The following MTREX variants were observed in gnomAD, a reference collection of about 807,000 sequenced individuals.
The protein encoded by MTREX is Mtr4 exosome RNA helicase, also known as exosome RNA helicase MTR4.
In MTREX, 76 loss-of-function variants were observed where a neutral mutation model predicts 135.4. The observed-to-expected ratio is 0.56, with a 90% CI of 0.47 to 0.68. MTREX has a LOEUF of 0.68. MTREX is among the 30% of genes least tolerant of loss of function. The pLI, the probability that MTREX is intolerant of heterozygous loss-of-function variation, is 0.00. For synonymous variants in MTREX, 404 were observed against 401.6 expected (o/e 1.01, Z -0.07); for missense variants, 920 against 1,262.1 (o/e 0.73, Z 4.11).
intron 5 of MTREX, among the ~76,000 whole-genome samples, chr5:55,329,953 C>A (rs957531392): frequency 1.3e-5 from 2 of 151,916 alleles, no homozygotes; most frequent in Admixed American, 1.3e-4. Flanking sequence ...CTCACTGATA[C>A]TATATTCATT....
chr5:55,392,899 T>A (rs538028677), intron 19 of MTREX, among the ~76,000 whole-genome samples: 1 of 152,212 alleles, frequency 6.6e-6, no homozygotes, highest in Non-Finnish European at 1.5e-5. Flanking sequence ...AGTTGCTTCT[T>A]ACTATTTTTG....
rs1749750587 is a variant in MTREX at position 55,347,048 on chromosome 5, A to G, written c.1144A>G (p.Met382Val). ...TGTTTTCAAAATTGTGAAGATGATT[A>G]TGGAAAGAAATTTCCAACCTGTGAT... ...SNVFKIVKMIMERNFQPVIIF... is the reference protein window; with the variant it reads ...SNVFKIVKMIVERNFQPVIIF... The change falls in exon 11 of 27, where the codon ATG becomes GTG. Residue 382 changes from methionine to valine, a missense_variant. This residue lies in a region of MTREX where 101 missense variants were observed against 119.1 expected (regional missense o/e 0.85). Transcript: ENST00000230640. The G allele has an allele frequency of 6.2e-7, 1 of 1,610,692 alleles. No individual in the cohort carries two copies.
At chr5:55,415,241 C>T (rs1353489852) in intron 24 of MTREX, among the ~76,000 whole-genome samples, 1 of 151,888 alleles carries the variant, frequency 6.6e-6, no homozygotes, top group Non-Finnish European at 1.5e-5. Context: ...AAAAAAAAAC[C>T]TGTGGCATAT....
rs199920261 is a variant in MTREX, at chr5:55,404,808, T to TC, written c.2482-617_2482-616insC. Among the ~76,000 whole-genome samples the TC allele has an allele frequency of 3.0e-4, 45 of 149,214 alleles. No individual in the cohort carries two copies. In the East Asian group the frequency reaches 4.7e-3, roughly 16 times the overall value. ...CTGTGCTCTGTTCTCTTTTTTTTTTTTCTTTTTTTTTTTTAAGACGGAATC... is the reference window on the plus strand; with the variant it reads ...CTGTGCTCTGTTCTCTTTTTTTTTTTCTCTTTTTTTTTTTTAAGACGGAATC... On this transcript the variant is annotated intron_variant, in intron 21 of 26. Coordinates refer to ENST00000230640, the MANE Select transcript of MTREX (RefSeq NM_015360.5).
intron 18 of MTREX, among the ~76,000 whole-genome samples, chr5:55,387,768 T>C (rs1230428934): frequency 6.6e-6 from 1 of 152,156 alleles, no homozygotes. Flanking sequence ...AATTTATAAA[T>C]ATAAAGTTAT....
intron 15 of MTREX, among the ~76,000 whole-genome samples, chr5:55,364,447 C>T (rs1476629427): frequency 6.6e-6 from 1 of 152,114 alleles, no homozygotes; most frequent in East Asian, 1.9e-4. Flanking sequence ...CATTCTATTT[C>T]GTTGGGGGAA....
intron 19 of MTREX, among the ~76,000 whole-genome samples, chr5:55,394,970 T>C (rs559182765): frequency 1.3e-5 from 2 of 150,972 alleles, no homozygotes; most frequent in Admixed American, 6.6e-5. Flanking sequence ...GAGGCGGAGA[T>C]TGCAGTGAAC....
chr5:55,311,758 C>A (rs973054484), intron 1 of MTREX, among the ~76,000 whole-genome samples: 2 of 152,112 alleles, frequency 1.3e-5, no homozygotes, highest in African/African-American at 4.8e-5. Context: ...TGTAAAATAT[C>A]TCCTTAATTT....
chr5:55,403,043 T>A (rs983019685), intron 21 of MTREX, among the ~76,000 whole-genome samples: 3 of 151,568 alleles, frequency 2.0e-5, no homozygotes, highest in African/African-American at 7.3e-5. Context: ...TGCAAAAAAA[T>A]TTTAAAAATT....
In MTREX at chr5:55,424,981, C is replaced by A; in HGVS notation, c.*209C>A. 1 of 660,806 alleles carries A rather than the reference C, an allele frequency of 1.5e-6. No individual in the cohort carries two copies. The highest frequency in any genetic ancestry group is 2.5e-6 in the Non-Finnish European group (1 of 399,736). The allele number at this position is 660,806 out of a possible 1,614,324, so 40.9% of individuals were successfully genotyped here. A position where few individuals can be genotyped will look rare whatever the true frequency, so the allele number is the denominator to read the frequency against. On this transcript the variant is annotated 3_prime_UTR_variant, in exon 27 of 27. Transcript: ENST00000230640. Reference sequence around the variant, plus strand: ...AATAAAAATGTATACAGGTGGGGCACTGTTTTGGTGGAAGGCTTGGAGTTT... The same window carrying A: ...AATAAAAATGTATACAGGTGGGGCAATGTTTTGGTGGAAGGCTTGGAGTTT...
chr5:55,378,367 A>G lies in MTREX; in HGVS notation c.1864A>G (p.Ser622Gly). 1 of 1,609,670 alleles carries G rather than the reference A, an allele frequency of 6.2e-7. No individual in the cohort carries two copies. Among genetic ancestry groups the G allele is most frequent in the Non-Finnish European group, 8.5e-7 (1 of 1,178,822 alleles). ...TAAAATAGTAATTCCCAATGAAGAA[A>G]GTGTGGTTATCTATTATAAGATTAG... Reference protein sequence around the residue: ...YNKIVIPNEESVVIYYKIRQQ... With the variant: ...YNKIVIPNEEGVVIYYKIRQQ... The change falls in exon 17 of 27, where the codon AGT becomes GGT. Residue 622 changes from serine (S) to glycine (G), a missense_variant. Physicochemically the swap from Ser to Gly is moderately conservative, Grantham distance 56. Transcript: ENST00000230640.
intron 19 of MTREX, among the ~76,000 whole-genome samples, chr5:55,392,673 A>G (rs1374223732): frequency 6.6e-6 from 1 of 151,986 alleles, no homozygotes; most frequent in Non-Finnish European, 1.5e-5. Flanking sequence ...GTACAGTTTC[A>G]TGGTCAGACA....
At chr5:55,408,803 A>G (rs537595212) in intron 22 of MTREX, among the ~76,000 whole-genome samples, 1 of 152,320 alleles carries the variant, frequency 6.6e-6, no homozygotes, top group African/African-American at 2.4e-5. Context: ...GAAGATAAAC[A>G]CAAAGGGACA....
intron 5 of MTREX, among the ~76,000 whole-genome samples, chr5:55,333,454 C>T (rs1466202292): frequency 1.3e-5 from 2 of 152,130 alleles, no homozygotes; most frequent in Non-Finnish European, 1.5e-5. Context: ...GTGCTTTATG[C>T]ATTTAAAGCC....
At chr5:55,420,775 AGATAAT>A (rs1337873617) in intron 25 of MTREX, among the ~76,000 whole-genome samples, 1 of 152,152 alleles carries the variant, frequency 6.6e-6, no homozygotes, top group Non-Finnish European at 1.5e-5. Flanking sequence ...CTCTAAAATT[AGATAAT>A]GATGATGGTT....
chr5:55,314,947 C>T (rs962012964), intron 1 of MTREX, among the ~76,000 whole-genome samples: 10 of 152,340 alleles, frequency 6.6e-5, no homozygotes, highest in African/African-American at 2.4e-4. Flanking sequence ...AGGCAGAGCT[C>T]AGGTGATAAT....
At chr5:55,317,368 C>T (rs181021195) in intron 1 of MTREX, among the ~76,000 whole-genome samples, 1 of 152,226 alleles carries the variant, frequency 6.6e-6, no homozygotes, top group Non-Finnish European at 1.5e-5. Context: ...ATCACATTAC[C>T]CTACTTCAAA....
rs1000482665 is a variant in MTREX at position 55,425,334 on chromosome 5, C to T, written c.*562C>T. On this transcript the variant is annotated 3_prime_UTR_variant, in exon 27 of 27. Transcript: ENST00000230640. ...TTGAAGAAATCCGATACATATACAG[C>T]CTACAGTGCAAAATATTTAATGGTA... is the stretch of plus-strand genomic sequence containing the variant. 4 of 1,593,378 alleles carry T rather than the reference C, an allele frequency of 2.5e-6. No homozygotes were observed. The highest frequency in any genetic ancestry group is 2.7e-5 in the African/African-American group (2 of 73,964).
intron 25 of MTREX, among the ~76,000 whole-genome samples, chr5:55,418,396 G>A (rs1751005843): frequency 6.8e-6 from 1 of 146,970 alleles, no homozygotes; most frequent in African/African-American, 2.5e-5. Context: ...CAGTATGGAA[G>A]ATAAATCCTA....
Sources: allele counts gnomAD v4.1 joint callset (sites outside exome capture counted in the v4.1 genomes callset), GRCh38; gene constraint gnomAD v4.1.1; regional missense constraint gnomAD v4.1.1; transcripts MANE v1.5; gene names NCBI Gene and HGNC (gene_info 2026-07-23, HGNC 2026-07-21).